VRK1: variants seen among roughly 807,000 people sequenced by gnomAD.
VRK1 encodes serine/threonine-protein kinase VRK1.
In VRK1, 33 loss-of-function variants were observed where a neutral mutation model predicts 57.1. The observed-to-expected ratio is 0.58, with a 90% CI of 0.44 to 0.77. The LOEUF is 0.77. Ranked by LOEUF, VRK1 falls within the 30% of genes least tolerant of loss-of-function variation. The pLI, the probability that VRK1 is intolerant of heterozygous loss-of-function variation, is 0.00. For synonymous variants in VRK1, 137 were observed against 147.8 expected, an observed-to-expected ratio of 0.93 and a Z score of 0.53; for missense variants, 413 against 477.3, an observed-to-expected ratio of 0.87 and a Z score of 1.25.
At chr14:96,843,805 G>C (rs149771464) in intron 3 of VRK1, among the ~76,000 whole-genome samples, 62 of 152,290 alleles carry the variant, frequency 4.1e-4, no homozygotes, top group African/African-American at 1.5e-3. Flanking sequence ...CAATGCCAAG[G>C]AAGTAGCTCC....
At chr14:96,877,705 A>C in intron 12 of VRK1, 1 of 1,237,000 alleles carries the variant, frequency 8.1e-7, no homozygotes, top group Non-Finnish European at 1.0e-6. Context: ...ATTGACACTC[A>C]TTAAGTCTAA....
At position 96,846,139 on chromosome 14, in the gene VRK1, C is replaced by T. The variant is rs748309797; in HGVS notation, c.261C>T (p.Tyr87=). The change falls in exon 4 of 13, where the codon TAC becomes TAT. Residue 87 remains tyrosine (Y), a synonymous_variant. Transcript: ENST00000216639. ...CTCTTTTTACTGAATTAAAGTTCTA[C>T]CAACGAGCTGCAAAACCAGAGCAAA... ...NGPLFTELKF[Y]QRAAKPEQIQ... The T allele has an allele frequency of 1.3e-5, 21 of 1,613,404 alleles. No individual in the cohort carries two copies. Among genetic ancestry groups the T allele is most frequent in the Non-Finnish European group, 1.7e-5 (20 of 1,179,576 alleles).
intron 10 of VRK1, among the ~76,000 whole-genome samples, chr14:96,857,210 T>C (rs968410179): frequency 8.5e-5 from 13 of 152,248 alleles, no homozygotes; most frequent in African/African-American, 2.9e-4. Context: ...AATTTATATG[T>C]TCCCCCTGGT....
At chr14:96,866,858 T>C (rs1888606930) in intron 11 of VRK1, among the ~76,000 whole-genome samples, 1 of 152,218 alleles carries the variant, frequency 6.6e-6, no homozygotes, top group Admixed American at 6.5e-5. Context: ...TTATTTTGGG[T>C]TCATTACTTC....
At position 96,797,453 on chromosome 14, in the gene VRK1, G is replaced by C. The variant is rs966752812; in HGVS notation, c.-6+6G>C. On this transcript the variant is annotated splice_donor_region_variant and intron_variant, in intron 1 of 12. Transcript: ENST00000216639. ...CGACGGGTCTGCGGCTTAGGGTAGG[G>C]AGGCCGCAGGCGACACGGCTCGAGG... 6.6e-6 allele frequency: 1 copy of C among 152,276 alleles called. No homozygotes were observed. The highest frequency in any genetic ancestry group is 2.1e-4 in the South Asian group (1 of 4,826). The allele number at this position is 152,276 out of a possible 1,614,324, so 9.4% of individuals were successfully genotyped here.
At chr14:96,857,936 A>G (rs1566711401) in intron 10 of VRK1, among the ~76,000 whole-genome samples, 2 of 152,258 alleles carry the variant, frequency 1.3e-5, no homozygotes, top group African/African-American at 4.8e-5. Context: ...AATGGAGTTA[A>G]TACAGTGAAT....
At chr14:96,846,890 C>T (rs1026273983) in intron 4 of VRK1, among the ~76,000 whole-genome samples, 9 of 151,818 alleles carry the variant, frequency 5.9e-5, no homozygotes, top group Non-Finnish European at 1.0e-4. Flanking sequence ...GCAGATATTA[C>T]ACCATTTTAT....
Position 96,856,524 on chromosome 14 carries a change from A to G in VRK1, c.831-4A>G, listed in dbSNP as rs1468454658. On this transcript the variant is annotated splice_polypyrimidine_tract_variant and splice_region_variant and intron_variant, in intron 9 of 12. Coordinates refer to ENST00000216639, the MANE Select transcript of VRK1 (RefSeq NM_003384.3). ...TCAGTGACTCATTCTTTAATTTTTAACAGATACAGAGAAAATATTGCAAGT... is the reference window on the plus strand; with the variant it reads ...TCAGTGACTCATTCTTTAATTTTTAGCAGATACAGAGAAAATATTGCAAGT... 1.9e-6 allele frequency: 3 copies of G among 1,611,736 alleles called. No homozygotes were observed. The Admixed American group carries it at 5.0e-5, about 27-fold the overall frequency.
At position 96,819,993 on chromosome 14, in the gene VRK1, G is replaced by A. The variant is rs10132099; in HGVS notation, c.-5-13474G>A. Among the ~76,000 whole-genome samples, 450 of 152,178 alleles carry A rather than the reference G, an allele frequency of 3.0e-3. 3 individuals carry two copies. The highest frequency in any genetic ancestry group is 0.01 in the African/African-American group (421 of 41,512). The stretch of plus-strand genomic sequence containing the variant: ...TGTACTTCTCAGATGTAATGGTTTC[G>A]CCAGGATTCACAAAGCTGTACTAGG... On this transcript the variant is annotated intron_variant, in intron 1 of 12. Transcript: ENST00000216639.
chr14:96,879,935 AAAT>A lies in VRK1; in HGVS notation c.1160-1230_1160-1228del, dbSNP rs995522324. Among the ~76,000 whole-genome samples the A allele has an allele frequency of 3.3e-5, 5 of 151,834 alleles. No individual in the cohort carries two copies. The East Asian group carries it at 9.7e-4, about 29-fold the overall frequency. On this transcript the variant is annotated intron_variant, in intron 12 of 12. Transcript: ENST00000216639. ...AAGCGAGACTCCCTCTCAAAAAAAA[AAAT>A]AATAATAATAAAAATAAAATTTCTT...
chr14:96,855,522 G>C (rs1888120361), intron 8 of VRK1, among the ~76,000 whole-genome samples, 166 bp downstream of exon 8: 1 of 152,182 alleles, frequency 6.6e-6, no homozygotes, highest in Non-Finnish European at 1.5e-5. Flanking sequence ...TTGTATTCCA[G>C]GACCATCTGT....
chr14:96,804,221 C>G (rs1161616948), intron 1 of VRK1, among the ~76,000 whole-genome samples: 2 of 152,236 alleles, frequency 1.3e-5, no homozygotes, highest in Middle Eastern at 3.4e-3. Flanking sequence ...GTACATTTTT[C>G]TTTTCCTTTT....
intron 2 of VRK1, among the ~76,000 whole-genome samples, chr14:96,835,348 C>A (rs1887172853): frequency 6.6e-6 from 1 of 152,146 alleles, no homozygotes; most frequent in African/African-American, 2.4e-5. Context: ...TGGTAGCATA[C>A]CTTTTTCCTA....
chr14:96,826,150 C>G (rs1369495230), intron 1 of VRK1, among the ~76,000 whole-genome samples: 1 of 152,122 alleles, frequency 6.6e-6, no homozygotes, highest in Non-Finnish European at 1.5e-5. Context: ...TTTTAAAAAT[C>G]TATTCACAAA....
rs191005162 is a variant in VRK1, at chr14:96,812,418, C to T, written c.-6+14971C>T. ...CTCTAGATCCTACCAAAACTTGTTA[C>T]TGTCTTTTTGTTTATATATGTCCTA... On this transcript the variant is annotated intron_variant, in intron 1 of 12. Coordinates refer to ENST00000216639, the MANE Select transcript of VRK1 (RefSeq NM_003384.3). Among the ~76,000 whole-genome samples the T allele has an allele frequency of 1.7e-3, 254 of 152,266 alleles. 3 individuals carry two copies. Among genetic ancestry groups the T allele is most frequent in the Non-Finnish European group, 5.4e-4 (37 of 67,998 alleles).
chr14:96,837,917 ATAC>A (rs1217638859), intron 3 of VRK1, 100 bp downstream of exon 3: 5 of 705,870 alleles, frequency 7.1e-6, no homozygotes, highest in African/African-American at 3.7e-5. Flanking sequence ...AAACCATAAG[ATAC>A]TACATTTTTA....
intron 7 of VRK1, among the ~76,000 whole-genome samples, chr14:96,853,625 T>TTAG (rs1166482698): frequency 2.0e-5 from 3 of 152,098 alleles, no homozygotes; most frequent in Admixed American, 2.0e-4. Flanking sequence ...TTGTATACCC[T>TTAG]TAGTGTTTGG....
chr14:96,881,030 T>G, intron 12 of VRK1, 147 bp from the exon 13 acceptor site: 1 of 697,890 alleles, frequency 1.4e-6, no homozygotes, highest in Non-Finnish European at 2.3e-6. Flanking sequence ...AATCATACCT[T>G]TGTATGTCAG....
chr14:96,870,908 T>C (rs1429830630), intron 11 of VRK1, among the ~76,000 whole-genome samples: 1 of 152,140 alleles, frequency 6.6e-6, no homozygotes, highest in Non-Finnish European at 1.5e-5. Flanking sequence ...GGGACATACA[T>C]GTGCTCTAAA....
Sources: gnomAD v4.1 joint callset for allele counts (sites outside exome capture counted in the v4.1 genomes callset) on GRCh38, gnomAD v4.1.1 for gene constraint, MANE v1.5 for transcripts, NCBI Gene and HGNC (gene_info 2026-07-23, HGNC 2026-07-21) for gene names.